Variants in ARHGEF4 observed in about 807,000 individuals in gnomAD.
The protein encoded by ARHGEF4 is Rho guanine nucleotide exchange factor 4, also known as APC-stimulated guanine nucleotide exchange factor 1.
In ARHGEF4, 119 loss-of-function variants were observed where a neutral mutation model predicts 162.0. That is an observed-to-expected ratio of 0.73 (90% CI 0.63 to 0.86). The LOEUF (loss-of-function observed/expected upper bound fraction) is 0.86. Ranked by LOEUF, ARHGEF4 falls within the 40% of genes least tolerant of loss-of-function variation. The pLI is 0.00. For missense variants in ARHGEF4, 2,488 were observed against 2,456.0 expected (o/e 1.01, Z -0.28); for synonymous variants, 1,014 against 979.9 (o/e 1.03, Z -0.65).
rs540390961 is a variant in ARHGEF4 at position 130,905,186 on chromosome 2, T to C, written c.40-8800T>C. On this transcript the variant is annotated intron_variant, in intron 1 of 13. Coordinates refer to ENST00000409359, the MANE Select transcript of ARHGEF4 (RefSeq NM_001367493.1). ...TAGAATACACAAAATTATCGCACAT[T>C]CTCTATTTTCTTTTCTAAGTAGCCC... 1.5e-3 allele frequency among the ~76,000 whole-genome samples: 226 copies of C among 152,342 alleles called. 2 individuals are homozygous for C. Among genetic ancestry groups the C allele is most frequent in the Non-Finnish European group, 2.5e-3 (168 of 68,044 alleles).
In ARHGEF4 at chr2:131,046,253, C is replaced by A; in HGVS notation, c.*64C>A. 2.0e-6 allele frequency: 3 copies of A among 1,518,298 alleles called. No individual in the cohort carries two copies. The highest frequency in any genetic ancestry group is 1.9e-5 in the Admixed American group (1 of 52,526). 94.1% of individuals were successfully genotyped at this position (1,518,298 alleles called of 1,614,324 possible). The stretch of plus-strand genomic sequence containing the variant: ...CCAGTGGCCCCCAGTTTTTCTTCCC[C>A]GAGGCCCACTCGGCCTGGCCTTCCT... On this transcript the variant is annotated 3_prime_UTR_variant, in exon 14 of 14. Coordinates refer to ENST00000409359, the MANE Select transcript of ARHGEF4 (RefSeq NM_001367493.1).
At chr2:130,959,056 C>T (rs1035354537) in intron 4 of ARHGEF4, among the ~76,000 whole-genome samples, 5 of 151,938 alleles carry the variant, frequency 3.3e-5, no homozygotes, top group African/African-American at 1.2e-4. Context: ...ATTCTCCTGC[C>T]TCAGCCTCCC....
intron 1 of ARHGEF4, among the ~76,000 whole-genome samples, chr2:130,903,620 G>T (rs1680642067): frequency 6.6e-6 from 1 of 152,144 alleles, no homozygotes; most frequent in South Asian, 2.1e-4. Context: ...TGACGCTGAG[G>T]TTTGGGCTTC....
chr2:130,893,291 C>T (rs962132958), intron 1 of ARHGEF4, among the ~76,000 whole-genome samples: 12 of 152,152 alleles, frequency 7.9e-5, no homozygotes, highest in African/African-American at 2.7e-4. Flanking sequence ...AGGGGAGTTC[C>T]CTGAAACTGT....
chr2:130,962,278 G>A lies in ARHGEF4; in HGVS notation c.3985+15643G>A, dbSNP rs534696203. Among the ~76,000 whole-genome samples, 7 of 150,964 alleles carry A rather than the reference G, an allele frequency of 4.6e-5. No homozygotes were observed. The South Asian group carries it at 8.4e-4, about 18-fold the overall frequency. On this transcript the variant is annotated intron_variant, in intron 4 of 13. Coordinates refer to ENST00000409359, the MANE Select transcript of ARHGEF4 (RefSeq NM_001367493.1). ...AAGGAAGCAGAGGCTGGAAGGTTGC[G>A]TGCTGGCTACAGAGTGACCAGGAAA... is the stretch of plus-strand genomic sequence containing the variant.
At chr2:131,040,567 C>CT (rs1392380023) in intron 8 of ARHGEF4, 127 bp downstream of exon 8, 2 of 1,093,858 alleles carry the variant, frequency 1.8e-6, no homozygotes, top group Admixed American at 2.9e-5. Context: ...CTCCAGCCCT[C>CT]TATCTGCCCC....
At position 131,043,597 on chromosome 2, in the gene ARHGEF4, T is replaced by C; in HGVS notation, c.5157+14T>C. On this transcript the variant is annotated intron_variant, in intron 11 of 13. Transcript: ENST00000409359. Reference sequence around the variant, plus strand: ...TACTGTAAGAAGGTACCAGAGCTGCTCTGCCCTGCTGCCCCAAGTTGAGCA... The same window carrying C: ...TACTGTAAGAAGGTACCAGAGCTGCCCTGCCCTGCTGCCCCAAGTTGAGCA... The C allele has an allele frequency of 1.2e-6, 2 of 1,613,662 alleles. No individual in the cohort carries two copies. The highest frequency in any genetic ancestry group is 1.1e-5 in the South Asian group (1 of 91,078).
intron 3 of ARHGEF4, among the ~76,000 whole-genome samples, chr2:130,945,485 G>A (rs1055819705): frequency 2.0e-5 from 3 of 152,104 alleles, no homozygotes; most frequent in Non-Finnish European, 4.4e-5. Context: ...AATAGGGTGG[G>A]AGAAATCATC....
intron 3 of ARHGEF4, among the ~76,000 whole-genome samples, chr2:130,934,381 A>C (rs573002597): frequency 6.6e-6 from 1 of 152,220 alleles, no homozygotes; most frequent in South Asian, 2.1e-4. Context: ...TCTTCTTTAA[A>C]TATCTTGTAT....
intron 1 of ARHGEF4, among the ~76,000 whole-genome samples, chr2:130,839,598 G>A (rs76008278): frequency 0.019 from 2,916 of 152,234 alleles, 75 homozygotes; most frequent in African/African-American, 0.066. Context: ...CAGACCAGTC[G>A]GAGAGCCTGC....
At chr2:130,889,192 C>T (rs1358763057) in intron 1 of ARHGEF4, among the ~76,000 whole-genome samples, 3 of 151,892 alleles carry the variant, frequency 2.0e-5, no homozygotes, top group African/African-American at 7.3e-5. Context: ...ATTTAACTTA[C>T]CAAATTATAC....
rs536705598 is a variant in ARHGEF4 at position 130,990,975 on chromosome 2, C to T, written c.3986-36970C>T. 4.6e-5 allele frequency among the ~76,000 whole-genome samples: 7 copies of T among 152,266 alleles called. No individual in the cohort carries two copies. The East Asian group carries it at 1.4e-3, about 29-fold the overall frequency. On this transcript the variant is annotated intron_variant, in intron 4 of 13. Coordinates refer to ENST00000409359, the MANE Select transcript of ARHGEF4 (RefSeq NM_001367493.1). ...GGAAATTTACAAATTGAGAAATAAT[C>T]TAAAATTTGGTTCCTATTTAGTGAT...
chr2:131,015,191 A>G (rs1273235895), intron 4 of ARHGEF4, among the ~76,000 whole-genome samples: 1 of 152,240 alleles, frequency 6.6e-6, no homozygotes, highest in Admixed American at 6.5e-5. Context: ...AGGAGGGCCC[A>G]GACGCAGGTC....
intron 12 of ARHGEF4, among the ~76,000 whole-genome samples, 180 bp from the exon 13 acceptor site, chr2:131,045,189 C>T (rs7573254): frequency 0.032 from 4,879 of 152,312 alleles, 253 homozygotes; most frequent in African/African-American, 0.11. Flanking sequence ...AGAGCATGCC[C>T]TCTGCCCTGG....
chr2:130,944,327 T>A (rs1327872729), intron 3 of ARHGEF4, among the ~76,000 whole-genome samples: 1 of 152,200 alleles, frequency 6.6e-6, no homozygotes, highest in Non-Finnish European at 1.5e-5. Flanking sequence ...ATATTTGGGA[T>A]GTTTTCAGAA....
At chr2:130,842,694 G>A (rs1158201717) in intron 1 of ARHGEF4, among the ~76,000 whole-genome samples, 2 of 152,196 alleles carry the variant, frequency 1.3e-5, no homozygotes, top group Non-Finnish European at 2.9e-5. Context: ...ACGTGGTAAT[G>A]TATTTCCACG....
chr2:130,964,065 C>A, intron 4 of ARHGEF4: 1 of 669,094 alleles, frequency 1.5e-6, no homozygotes, highest in Non-Finnish European at 1.9e-6. Context: ...AGCAATGCCC[C>A]AGCGAGTCAA....
chr2:130,951,198 A>G (rs1426618309), intron 4 of ARHGEF4, among the ~76,000 whole-genome samples: 1 of 152,172 alleles, frequency 6.6e-6, no homozygotes, highest in Non-Finnish European at 1.5e-5. Flanking sequence ...TTTCTTATTC[A>G]TGTGCTAACT....
At chr2:130,909,400 G>T (rs914419839) in intron 1 of ARHGEF4, among the ~76,000 whole-genome samples, 7 of 152,190 alleles carry the variant, frequency 4.6e-5, no homozygotes, top group African/African-American at 1.7e-4. Context: ...ATCATGCTAA[G>T]TGGGAAAGAC....
Sources: gnomAD v4.1 joint callset for allele counts (sites outside exome capture counted in the v4.1 genomes callset) on GRCh38, gnomAD v4.1.1 for gene constraint, MANE v1.5 for transcripts, NCBI Gene and HGNC (gene_info 2026-07-23, HGNC 2026-07-21) for gene names.